Variants in DPP4 observed in about 807,000 individuals in gnomAD.
DPP4 encodes dipeptidyl peptidase 4, also known as ADCP-2.
DPP4 carries 93 observed loss-of-function variants against 122.4 expected under a neutral mutation model. The observed-to-expected ratio is 0.76, with a 90% confidence interval of 0.64 to 0.90. The LOEUF is 0.90. DPP4 is among the 40% of genes least tolerant of loss of function. The pLI, the probability that DPP4 is intolerant of heterozygous loss-of-function variation, is 0.00. For synonymous variants in DPP4, 321 were observed against 302.9 expected (o/e 1.06, Z -0.62); for missense variants, 914 against 907.3 (o/e 1.01, Z -0.09).
At position 162,039,034 on chromosome 2, in the gene DPP4, T is replaced by G; in HGVS notation, c.420-13A>C. ...TGTAATCAGCTGCCTGGAAAAAAGA[T>G]GAAAGGAAATATTATCAAAAAGAAT... On this transcript the variant is annotated splice_polypyrimidine_tract_variant and intron_variant, in intron 6 of 25. Transcript: ENST00000360534. 6.2e-7 allele frequency: 1 copy of G among 1,613,272 alleles called. No individual in the cohort carries two copies. The highest frequency in any genetic ancestry group is 8.5e-7 in the Non-Finnish European group (1 of 1,179,406).
At chr2:162,053,124 A>G (rs994254647) in intron 2 of DPP4, among the ~76,000 whole-genome samples, 17 of 152,248 alleles carry the variant, frequency 1.1e-4, no homozygotes, top group Non-Finnish European at 2.2e-4. Flanking sequence ...GCCTGGCCTG[A>G]TCCTCCCCAG....
At chr2:162,073,947 C>A (rs534705999) in intron 1 of DPP4, 29 bp downstream of exon 1, 1 of 1,611,468 alleles carries the variant, frequency 6.2e-7, no homozygotes, top group East Asian at 2.2e-5. Flanking sequence ...CACAGCTCGC[C>A]CCGGGGACGT....
intron 5 of DPP4, among the ~76,000 whole-genome samples, chr2:162,045,108 G>T (rs1269516134): frequency 1.3e-5 from 2 of 151,806 alleles, no homozygotes; most frequent in African/African-American, 4.8e-5. Flanking sequence ...GACTATAGGT[G>T]CATGCCACCA....
chr2:162,065,147 C>T (rs1261117334), intron 2 of DPP4, among the ~76,000 whole-genome samples: 1 of 152,198 alleles, frequency 6.6e-6, no homozygotes, highest in Admixed American at 6.5e-5. Flanking sequence ...GCAATTCATT[C>T]TCCTTGCCGG....
At position 161,994,990 on chromosome 2, in the gene DPP4, C is replaced by T. The variant is rs765960983; in HGVS notation, c.2170G>A (p.Val724Ile). ...QQSAQISKALVDVGVDFQAMW... is the reference protein window; with the variant it reads ...QQSAQISKALIDVGVDFQAMW... ...GCCTGGAAATCCACTCCAACATCGA[C>T]CAGGGCTTTGGAGATCTGAGCTGAC... The change falls in exon 25 of 26, where the codon GTC becomes ATC. Residue 724 changes from valine to isoleucine, a missense_variant. Val to Ile is a conservative substitution (Grantham distance 29). Coordinates refer to ENST00000360534, the MANE Select transcript of DPP4 (RefSeq NM_001935.4). 1.2e-6 allele frequency: 2 copies of T among 1,614,080 alleles called. No individual in the cohort carries two copies. The highest frequency in any genetic ancestry group is 3.3e-5 in the Admixed American group (2 of 60,014).
chr2:162,014,307 G>C (rs544741976), intron 19 of DPP4, 89 bp downstream of exon 19: 15 of 1,014,140 alleles, frequency 1.5e-5, no homozygotes, highest in Non-Finnish European at 2.0e-5. Flanking sequence ...GGGAAAGGAC[G>C]CATTTGGCTC....
At chr2:162,049,629 C>T (rs1277148126) in intron 2 of DPP4, among the ~76,000 whole-genome samples, 2 of 151,794 alleles carry the variant, frequency 1.3e-5, no homozygotes, top group Non-Finnish European at 2.9e-5. Context: ...GCACATGTAC[C>T]CTGGAACTTA....
chr2:162,020,734 A>C, intron 12 of DPP4, 46 bp from the exon 13 acceptor site: 25 of 1,409,722 alleles, frequency 1.8e-5, no homozygotes, highest in South Asian at 2.6e-5. Context: ...ACAGTGTCTC[A>C]TCTCAGTACC....
chr2:162,034,940 T>C lies in DPP4; in HGVS notation c.774+224A>G, dbSNP rs529304833. Among the ~76,000 whole-genome samples, 3 of 152,306 alleles carry C rather than the reference T, an allele frequency of 2.0e-5. No homozygotes were observed. The South Asian group carries it at 6.2e-4, about 32-fold the overall frequency. On this transcript the variant is annotated intron_variant, in intron 9 of 25. Coordinates refer to ENST00000360534, the MANE Select transcript of DPP4 (RefSeq NM_001935.4). ...GCATTTTCCCCATTTTTTCTGCTTG[T>C]CATTCCTCAAAGTTTTTGGAGAAAT...
chr2:162,022,712 G>GTAGC, intron 12 of DPP4, 43 bp downstream of exon 12: 1 of 1,593,780 alleles, frequency 6.3e-7, no homozygotes, highest in Non-Finnish European at 8.6e-7. Context: ...AAATAGCTGA[G>GTAGC]TAGCTGACTC....
At chr2:162,008,977 A>C (rs982957249) in intron 21 of DPP4, among the ~76,000 whole-genome samples, 2 of 151,946 alleles carry the variant, frequency 1.3e-5, no homozygotes, top group African/African-American at 2.4e-5. Flanking sequence ...CATAAGAAAA[A>C]GTCTCCCTCC....
chr2:162,028,447 C>T (rs931734572), intron 10 of DPP4, among the ~76,000 whole-genome samples: 3 of 152,188 alleles, frequency 2.0e-5, no homozygotes, highest in African/African-American at 7.2e-5. Context: ...ATCCAACCAG[C>T]AGGATTATCA....
rs1683860657 is a variant in DPP4, at chr2:162,038,346, T to C, written c.569A>G (p.Lys190Arg). The C allele has an allele frequency of 6.2e-7, 1 of 1,608,054 alleles. No individual in the cohort carries two copies. Among genetic ancestry groups the C allele is most frequent in the Non-Finnish European group, 8.5e-7 (1 of 1,176,606 alleles). ...LPSYRITWTG[K>R]EDIIYNGITD... Reference sequence around the variant, plus strand: ...TATTCCATTATATATTATATCTTCTTTCCCCGTCCATGTGATTCTGTAACT... The same window carrying C: ...TATTCCATTATATATTATATCTTCTCTCCCCGTCCATGTGATTCTGTAACT... Residue 190 changes from lysine to arginine, a missense_variant, in exon 8 of 26, where the codon AAA (lysine) becomes AGA (arginine). Lys to Arg is a conservative substitution (Grantham distance 26). Coordinates refer to ENST00000360534, the MANE Select transcript of DPP4 (RefSeq NM_001935.4).
At chr2:162,045,450 G>A in intron 5 of DPP4, 82 bp downstream of exon 5, 1 of 971,980 alleles carries the variant, frequency 1.0e-6, no homozygotes, top group Non-Finnish European at 1.6e-6. Flanking sequence ...TTAATCTTAA[G>A]TATCCATACA....
chr2:162,051,640 C>T (rs1234743703), intron 2 of DPP4, among the ~76,000 whole-genome samples: 5 of 152,254 alleles, frequency 3.3e-5, no homozygotes, highest in East Asian at 1.9e-4. Flanking sequence ...AGAAATAAAA[C>T]GAGTGTTACT....
intron 5 of DPP4, among the ~76,000 whole-genome samples, chr2:162,039,790 C>A (rs1004625680): frequency 6.6e-6 from 1 of 151,268 alleles, no homozygotes; most frequent in Non-Finnish European, 1.5e-5. Context: ...CAAACTAAAT[C>A]CAAAGTAATT....
intron 2 of DPP4, among the ~76,000 whole-genome samples, chr2:162,062,114 CA>C (rs1045197117): frequency 0.06 from 4,855 of 80,932 alleles, 244 homozygotes; most frequent in African/African-American, 0.18. Context: ...ACTAAAAATA[CA>C]AAAAAAAAAA....
chr2:162,023,878 A>G (rs1683223792), intron 11 of DPP4, among the ~76,000 whole-genome samples: 1 of 152,176 alleles, frequency 6.6e-6, no homozygotes, highest in African/African-American at 2.4e-5. Context: ...ATTTACTTTG[A>G]TAATATTCCC....
At chr2:162,061,036 C>T (rs1394742437) in intron 2 of DPP4, among the ~76,000 whole-genome samples, 4 of 124,004 alleles carry the variant, frequency 3.2e-5, no homozygotes, top group Non-Finnish European at 4.8e-5. Context: ...TTCCTTCCTT[C>T]CTCTTTCTCT....
Sources: gnomAD v4.1 joint callset for allele counts (sites outside exome capture counted in the v4.1 genomes callset) on GRCh38, gnomAD v4.1.1 for gene constraint, MANE v1.5 for transcripts, NCBI Gene and HGNC (gene_info 2026-07-23, HGNC 2026-07-21) for gene names.